Variants in MED12L observed in about 807,000 individuals in gnomAD.
MED12L encodes the protein mediator of RNA polymerase II transcription subunit 12-like protein.
MED12L carries 60 observed loss-of-function variants against 281.3 expected under a neutral mutation model. The ratio of observed to expected loss-of-function variants is 0.21; its 90% CI spans 0.17 to 0.26. The LOEUF is 0.26. Ranked by LOEUF, MED12L falls within the 10% of genes least tolerant of loss-of-function variation. The pLI is 1.00. For synonymous variants in MED12L, 974 were observed against 987.2 expected, an observed-to-expected ratio of 0.99 and a Z score of 0.25; for missense variants, 2,146 against 2,680.9, an observed-to-expected ratio of 0.80 and a Z score of 4.41.
At chr3:151,223,625 G>A (rs2149280283) in intron 16 of MED12L, among the ~76,000 whole-genome samples, 1 of 152,274 alleles carries the variant, frequency 6.6e-6, no homozygotes, top group East Asian at 1.9e-4. Context: ...TTATAAGTGG[G>A]AACTAAACAT....
chr3:151,141,178 G>GTTTTTTT (rs370095367), intron 5 of MED12L, among the ~76,000 whole-genome samples: 132 of 102,178 alleles, frequency 1.3e-3, no homozygotes, highest in East Asian at 3.3e-3. Flanking sequence ...TTTTTTTTTT[G>GTTTTTTT]TTTTTTTTGT....
intron 8 of MED12L, among the ~76,000 whole-genome samples, chr3:151,162,793 C>T (rs1720171618): frequency 6.6e-6 from 1 of 152,112 alleles, no homozygotes; most frequent in Non-Finnish European, 1.5e-5. Context: ...TTGAATGGCA[C>T]AAGAGCATAA....
intron 16 of MED12L, among the ~76,000 whole-genome samples, chr3:151,311,234 G>A (rs536660655): frequency 1.3e-5 from 2 of 152,186 alleles, no homozygotes; most frequent in East Asian, 3.9e-4. Flanking sequence ...GTCTTAGGAT[G>A]AAAAGTAGAG....
At chr3:151,240,858 A>G (rs754561910) in intron 16 of MED12L, among the ~76,000 whole-genome samples, 2 of 152,212 alleles carry the variant, frequency 1.3e-5, no homozygotes, top group Non-Finnish European at 2.9e-5. Context: ...GTGGATTTGA[A>G]GCCAGATGAC....
intron 16 of MED12L, among the ~76,000 whole-genome samples, chr3:151,282,734 C>G (rs907228995): frequency 6.6e-6 from 1 of 152,090 alleles, no homozygotes; most frequent in Non-Finnish European, 1.5e-5. Context: ...GGTGGAGGAG[C>G]GCGTAATGTC....
At chr3:151,294,649 C>T (rs1470955244) in intron 16 of MED12L, 1 of 1,614,172 alleles carries the variant, frequency 6.2e-7, no homozygotes. Context: ...ATTTGACCCC[C>T]AAAGGACTTT....
chr3:151,331,432 A>G (rs2149883546), intron 16 of MED12L, among the ~76,000 whole-genome samples: 1 of 152,362 alleles, frequency 6.6e-6, no homozygotes, highest in African/African-American at 2.4e-5. Context: ...TGGTTGCCTT[A>G]TCTTTACAAT....
chr3:151,237,680 A>G (rs1733194973), intron 16 of MED12L, among the ~76,000 whole-genome samples: 6 of 152,084 alleles, frequency 3.9e-5, no homozygotes, highest in African/African-American at 1.4e-4. Flanking sequence ...AAGTTACACT[A>G]GTTTATATTC....
chr3:151,346,763 C>T (rs568842663), intron 16 of MED12L, among the ~76,000 whole-genome samples: 31 of 152,260 alleles, frequency 2.0e-4, no homozygotes, highest in African/African-American at 7.0e-4. Context: ...TTGCACCCCT[C>T]CCAGGACTTG....
In MED12L at chr3:151,376,170, G is replaced by A. The variant is rs878982061; in HGVS notation, c.4009G>A (p.Glu1337Lys). Residue 1337 changes from glutamate (E) to lysine (K), a missense_variant, in exon 28 of 45, where the codon GAG becomes AAG. By Grantham distance (56) the Glu-to-Lys change is moderately conservative. Around this residue, in one of 9 missense-constraint regions of MED12L, gnomAD observed 235 missense variants for 260.3 expected, o/e 0.90. Coordinates refer to ENST00000687756, the MANE Select transcript of MED12L (RefSeq NM_001393769.1). ...CYPHGIKECT[E>K]GDNLQRQHIK... ...TCCTCATGGCATTAAAGAATGTACC[G>A]AGGGGGACAATCTGCAAAGACAGCA... 17 of 1,605,634 alleles carry A rather than the reference G, an allele frequency of 1.1e-5. No individual in the cohort carries two copies. Among genetic ancestry groups the A allele is most frequent in the Middle Eastern group, 1.7e-4 (1 of 6,042 alleles).
intron 16 of MED12L, among the ~76,000 whole-genome samples, chr3:151,345,493 A>G (rs1051671664): frequency 1.4e-5 from 2 of 148,050 alleles, no homozygotes; most frequent in East Asian, 4.0e-4. Flanking sequence ...GAAGGCTTCT[A>G]CGTTTTCTTT....
intron 16 of MED12L, among the ~76,000 whole-genome samples, chr3:151,244,983 A>G (rs1353587294): frequency 1.2e-4 from 18 of 149,724 alleles, no homozygotes; most frequent in Admixed American, 2.0e-4. Context: ...AGATAATACT[A>G]CAAACACCTC....
intron 39 of MED12L, among the ~76,000 whole-genome samples, chr3:151,396,531 CAGG>C (rs1002133863): frequency 1.3e-5 from 2 of 152,172 alleles, no homozygotes; most frequent in African/African-American, 4.8e-5. Flanking sequence ...GAGGCTGAGG[CAGG>C]AGAATTACTT....
At chr3:151,333,877 A>G (rs1213298875) in intron 16 of MED12L, among the ~76,000 whole-genome samples, 4 of 151,944 alleles carry the variant, frequency 2.6e-5, no homozygotes, top group Non-Finnish European at 4.4e-5. Flanking sequence ...CAGGAGTTCA[A>G]GACCAGCCTG....
At chr3:151,430,173 T>C in intron 43 of MED12L, 126 bp from the exon 44 acceptor site, 4 of 1,365,782 alleles carry the variant, frequency 2.9e-6, no homozygotes, top group Non-Finnish European at 4.0e-6. Flanking sequence ...CACACAGTTG[T>C]CATAGCCCTT....
intron 17 of MED12L, among the ~76,000 whole-genome samples, chr3:151,351,444 C>T (rs1033948088): frequency 3.3e-5 from 5 of 152,158 alleles, no homozygotes; most frequent in African/African-American, 1.2e-4. Context: ...CCTCAGCTCT[C>T]TGAGGAAGCA....
intron 16 of MED12L, chr3:151,337,615 A>G: frequency 1.7e-6 from 1 of 577,030 alleles, no homozygotes; most frequent in East Asian, 3.0e-5. Flanking sequence ...TAATACAGCT[A>G]CAGTTTAGAT....
At chr3:151,182,296 G>GTT (rs61220976) in intron 11 of MED12L, among the ~76,000 whole-genome samples, 5 of 147,596 alleles carry the variant, frequency 3.4e-5, no homozygotes, top group African/African-American at 1.2e-4. Context: ...ATTAGAATGA[G>GTT]TTTTTTTTTT....
intron 16 of MED12L, among the ~76,000 whole-genome samples, chr3:151,335,754 G>A (rs890166530): frequency 2.6e-5 from 4 of 152,164 alleles, no homozygotes; most frequent in Non-Finnish European, 5.9e-5. Context: ...GTTTGATGTA[G>A]TATATGATGT....
Sources: allele counts gnomAD v4.1 joint callset (sites outside exome capture counted in the v4.1 genomes callset), GRCh38; gene constraint gnomAD v4.1.1; regional missense constraint gnomAD v4.1.1; transcripts MANE v1.5; gene names NCBI Gene and HGNC (gene_info 2026-07-23, HGNC 2026-07-21).